The following TNPO3 variants were observed in gnomAD, a reference collection of about 807,000 sequenced individuals.
The protein encoded by TNPO3 is transportin-3.
A neutral mutation model predicts 122.8 loss-of-function variants in TNPO3; 65 were observed. The ratio of observed to expected loss-of-function variants is 0.53; its 90% CI spans 0.43 to 0.65. The LOEUF (loss-of-function observed/expected upper bound fraction) is 0.65. Ranked by LOEUF, TNPO3 falls within the 30% of genes least tolerant of loss-of-function variation. TNPO3 has a pLI of 0.00. For missense variants in TNPO3, 850 were observed against 1,136.7 expected (o/e 0.75, Z 3.63); for synonymous variants, 372 against 411.2 (o/e 0.90, Z 1.15).
chr7:129,051,474 TA>T (rs1187393939), intron 1 of TNPO3, among the ~76,000 whole-genome samples: 4 of 151,572 alleles, frequency 2.6e-5, no homozygotes, highest in Non-Finnish European at 5.9e-5. Flanking sequence ...TAGCTGGGAC[TA>T]TAGGCAAATG....
intron 16 of TNPO3, among the ~76,000 whole-genome samples, chr7:128,976,310 T>G (rs1011535655): frequency 6.6e-6 from 1 of 152,210 alleles, no homozygotes; most frequent in East Asian, 1.9e-4. Context: ...ATAGCCACAG[T>G]TGGGAAAACA....
upstream of TNPO3, chr7:129,055,946 A>C: frequency 1.5e-6 from 1 of 678,234 alleles, no homozygotes; most frequent in Non-Finnish European, 2.7e-6. Context: ...AATCCGCCTA[A>C]CAACCTTGCC....
At chr7:129,001,309 C>G (rs917614190) in intron 5 of TNPO3, 75 bp from the exon 6 acceptor site, 1 of 1,236,102 alleles carries the variant, frequency 8.1e-7, no homozygotes, top group Admixed American at 2.2e-5. Context: ...CCTGCACACC[C>G]TAGGGTTCAA....
chr7:128,971,689 T>C (rs1260124625), intron 19 of TNPO3, among the ~76,000 whole-genome samples: 4 of 152,204 alleles, frequency 2.6e-5, no homozygotes, highest in Admixed American at 2.6e-4. Flanking sequence ...CACTGCTTAG[T>C]TGTCTACTAA....
intron 5 of TNPO3, 65 bp from the exon 6 acceptor site, chr7:129,001,299 C>G: frequency 1.4e-6 from 2 of 1,385,728 alleles, no homozygotes. Flanking sequence ...TACAGTTGGC[C>G]CTGCACACCC....
At chr7:128,975,761 T>C in intron 17 of TNPO3, 58 bp downstream of exon 17, 6 of 999,262 alleles carry the variant, frequency 6.0e-6, no homozygotes, top group South Asian at 1.3e-5. Flanking sequence ...AAGAATACGC[T>C]GCTAGGCCTT....
intron 1 of TNPO3, among the ~76,000 whole-genome samples, chr7:129,031,103 G>A (rs778822645): frequency 3.3e-5 from 5 of 152,092 alleles, no homozygotes; most frequent in Non-Finnish European, 7.4e-5. Flanking sequence ...TGGCCAACAC[G>A]TTGAAACCCT....
chr7:129,055,944 T>G, upstream of TNPO3: 1 of 676,590 alleles, frequency 1.5e-6, no homozygotes, highest in Non-Finnish European at 2.7e-6. Context: ...TTAATCCGCC[T>G]AACAACCTTG....
intron 4 of TNPO3, among the ~76,000 whole-genome samples, chr7:129,011,169 C>T (rs192123305): frequency 9.7e-4 from 147 of 152,054 alleles, no homozygotes; most frequent in Non-Finnish European, 7.9e-4. Flanking sequence ...CTAAAGGAAA[C>T]GAAGGAGAGG....
At chr7:129,005,203 T>C (rs906454306) in intron 4 of TNPO3, 44 bp from the exon 5 acceptor site, 2 of 1,520,558 alleles carry the variant, frequency 1.3e-6, no homozygotes, top group Non-Finnish European at 9.0e-7. Context: ...TTAATCTATA[T>C]ATTTAAACCA....
Position 128,974,939 on chromosome 7 carries a change from C to T in TNPO3, c.2202G>A (p.Gln734=), listed in dbSNP as rs545393039. Residue 734 remains glutamine, a synonymous_variant, in exon 18 of 23, where the codon CAG becomes CAA. Coordinates refer to ENST00000265388, the MANE Select transcript of TNPO3 (RefSeq NM_012470.4). ...MLQALCIPTF[Q]LLEQQNGLQN... ...GGAGACCATTCTGCTGTTCTAGGAGCTGAAAGGTGGGGATGCACAGTGCCT... is the reference window on the plus strand; with the variant it reads ...GGAGACCATTCTGCTGTTCTAGGAGTTGAAAGGTGGGGATGCACAGTGCCT... The T allele has an allele frequency of 1.9e-6, 3 of 1,614,170 alleles. No homozygotes were observed. Among genetic ancestry groups the T allele is most frequent in the Middle Eastern group, 1.6e-4 (1 of 6,062 alleles).
rs575698759 is a variant in TNPO3, at chr7:129,009,242, T to A, written c.553-4083A>T. Among the ~76,000 whole-genome samples, 12 of 152,304 alleles carry A rather than the reference T, an allele frequency of 7.9e-5. No individual in the cohort carries two copies. In the South Asian group the frequency reaches 2.5e-3, roughly 32 times the overall value. On this transcript the variant is annotated intron_variant, in intron 4 of 22. Transcript: ENST00000265388. ...GCTATGAGAGCAAGCAGAAACACGT[T>A]TAAAACTTCAAAAAGTTCAACACCA...
chr7:129,022,252 G>C (rs1413102073), intron 1 of TNPO3, among the ~76,000 whole-genome samples: 1 of 151,992 alleles, frequency 6.6e-6, no homozygotes, highest in Non-Finnish European at 1.5e-5. Context: ...GGGTGTGGTG[G>C]TATGTGCCTG....
intron 1 of TNPO3, among the ~76,000 whole-genome samples, chr7:129,052,208 T>A (rs752984427): frequency 2.0e-5 from 3 of 152,198 alleles, no homozygotes; most frequent in Non-Finnish European, 2.9e-5. Context: ...TGGCTTCCGG[T>A]TGGGTTTGGC....
chr7:128,992,437 A>G (rs968298902), intron 9 of TNPO3, among the ~76,000 whole-genome samples: 3 of 152,172 alleles, frequency 2.0e-5, no homozygotes, highest in Non-Finnish European at 4.4e-5. Flanking sequence ...TAGAGATACA[A>G]TGTAAATCCT....
At chr7:128,974,764 C>A in intron 18 of TNPO3, 104 bp downstream of exon 18, 1 of 935,214 alleles carries the variant, frequency 1.1e-6, no homozygotes, top group Non-Finnish European at 1.7e-6. Flanking sequence ...TCTACTTACT[C>A]CAGTGACTTC....
At chr7:129,050,065 CTTTT>C (rs922893612) in intron 1 of TNPO3, among the ~76,000 whole-genome samples, 1 of 151,268 alleles carries the variant, frequency 6.6e-6, no homozygotes, top group Non-Finnish European at 1.5e-5. Context: ...CTTTTCTTTT[CTTTT>C]TTTTCTTTTT....
chr7:128,968,557 T>G (rs969377210), intron 20 of TNPO3, among the ~76,000 whole-genome samples: 75 of 152,320 alleles, frequency 4.9e-4, no homozygotes, highest in Admixed American at 9.8e-4. Flanking sequence ...ATACCTAATT[T>G]TTTTTACATT....
chr7:129,015,282 C>A lies in TNPO3; in HGVS notation c.396-147G>T. The A allele has an allele frequency of 2.2e-5, 16 of 743,620 alleles. No individual in the cohort carries two copies. In the South Asian group the frequency reaches 2.9e-4, roughly 14 times the overall value. 46.1% of individuals were successfully genotyped at this position (743,620 alleles called of 1,614,324 possible). ...AGAAAAAAGATACAAACATAAATGT[C>A]CTCCATAATTAGTTAAGATTAAAAA... On this transcript the variant is annotated intron_variant, in intron 3 of 22. Transcript: ENST00000265388.
Sources: allele counts gnomAD v4.1 joint callset (sites outside exome capture counted in the v4.1 genomes callset), GRCh38; gene constraint gnomAD v4.1.1; transcripts MANE v1.5; gene names NCBI Gene and HGNC (gene_info 2026-07-23, HGNC 2026-07-21).